ATE1: variants seen among roughly 807,000 people sequenced by gnomAD.
ATE1 encodes the protein arginyl-tRNA--protein transferase 1.
Under a neutral mutation model 70.5 loss-of-function variants are expected in ATE1, and 36 were observed. That is an observed-to-expected ratio of 0.51 (90% CI 0.39 to 0.67). ATE1 has a LOEUF of 0.67. ATE1 is among the 30% of genes least tolerant of loss of function. The pLI, the probability that ATE1 is intolerant of heterozygous loss-of-function variation, is 0.00. For synonymous variants in ATE1, 232 were observed against 219.3 expected, an observed-to-expected ratio of 1.06 and a Z score of -0.51; for missense variants, 593 against 629.5, an observed-to-expected ratio of 0.94 and a Z score of 0.62.
At chr10:121,814,219 T>C (rs576906687) in intron 10 of ATE1, among the ~76,000 whole-genome samples, 1 of 152,192 alleles carries the variant, frequency 6.6e-6, no homozygotes, top group South Asian at 2.1e-4. Context: ...AGAAATGAAC[T>C]GGTGAAAAGA....
Position 121,743,563 on chromosome 10 carries a change from A to G in ATE1, c.*117T>C. On this transcript the variant is annotated 3_prime_UTR_variant, in exon 12 of 12. Coordinates refer to ENST00000224652, the MANE Select transcript of ATE1 (RefSeq NM_001001976.3). Reference sequence around the variant, plus strand: ...TATTTTTTAAAAGCCATAGATAGTCAAAATAAAAAATGTCTAATTTGTGGG... The same window carrying G: ...TATTTTTTAAAAGCCATAGATAGTCGAAATAAAAAATGTCTAATTTGTGGG... The G allele has an allele frequency of 7.2e-7, 1 of 1,382,324 alleles. No individual in the cohort carries two copies. The allele number at this position is 1,382,324 out of a possible 1,614,324, so 85.6% of individuals were successfully genotyped here.
At chr10:121,776,584 G>A (rs1034649061) in intron 11 of ATE1, among the ~76,000 whole-genome samples, 2 of 152,164 alleles carry the variant, frequency 1.3e-5, no homozygotes, top group East Asian at 3.8e-4. Context: ...AATTGTGAGT[G>A]GTCTTGGGCA....
intron 10 of ATE1, among the ~76,000 whole-genome samples, chr10:121,830,023 A>G (rs1027614620): frequency 3.3e-5 from 5 of 152,210 alleles, no homozygotes; most frequent in Admixed American, 6.5e-5. Context: ...TCAATTTGCA[A>G]TGAGGAACAT....
At chr10:121,915,849 C>T (rs1307784978) in intron 3 of ATE1, among the ~76,000 whole-genome samples, 2 of 148,846 alleles carry the variant, frequency 1.3e-5, no homozygotes, top group African/African-American at 5.0e-5. Flanking sequence ...CAAGATCACA[C>T]CACTGCACTC....
chr10:121,835,605 A>T (rs1031027071), intron 10 of ATE1, among the ~76,000 whole-genome samples: 3 of 152,124 alleles, frequency 2.0e-5, no homozygotes, highest in Non-Finnish European at 4.4e-5. Flanking sequence ...TTATGAGACA[A>T]TAAAGGAAAC....
chr10:121,910,147 T>C (rs1951361970), intron 5 of ATE1, among the ~76,000 whole-genome samples: 1 of 152,196 alleles, frequency 6.6e-6, no homozygotes, highest in Admixed American at 6.5e-5. Flanking sequence ...AACTATTCAA[T>C]AAAATTGCAA....
Position 121,893,096 on chromosome 10 carries a change from T to C in ATE1, c.942+6770A>G, listed in dbSNP as rs142366981. 7.8e-3 allele frequency among the ~76,000 whole-genome samples: 1,190 copies of C among 151,826 alleles called. 17 individuals are homozygous for C. Among genetic ancestry groups the C allele is most frequent in the African/African-American group, 0.028 (1,150 of 41,406 alleles). The stretch of plus-strand genomic sequence containing the variant: ...ATCGAGACCATCCTGGCTAACATAG[T>C]GAAACCCCATCTCTACTAAAAATAC... On this transcript the variant is annotated intron_variant, in intron 7 of 11. Coordinates refer to ENST00000224652, the MANE Select transcript of ATE1 (RefSeq NM_001001976.3).
At chr10:121,856,782 G>C (rs1949265156) in intron 8 of ATE1, among the ~76,000 whole-genome samples, 1 of 152,142 alleles carries the variant, frequency 6.6e-6, no homozygotes, top group Non-Finnish European at 1.5e-5. Context: ...TTCAACATAG[G>C]ATTGCCACAA....
chr10:121,760,471 T>G lies in ATE1; in HGVS notation c.1379-16613A>C, dbSNP rs11200135. Among the ~76,000 whole-genome samples the G allele has an allele frequency of 6.0e-3, 918 of 152,290 alleles. 17 individuals carry two copies. The highest frequency in any genetic ancestry group is 0.041 in the East Asian group (214 of 5,180). ...AACCTCATGGATGATTTGGAGGGGT[T>G]TGAGAATTCAGTGGAGGAAGTTACT... On this transcript the variant is annotated intron_variant, in intron 11 of 11. Coordinates refer to ENST00000224652, the MANE Select transcript of ATE1 (RefSeq NM_001001976.3).
chr10:121,762,573 A>T (rs1945093182), intron 11 of ATE1, among the ~76,000 whole-genome samples: 1 of 151,988 alleles, frequency 6.6e-6, no homozygotes, highest in South Asian at 2.1e-4. Flanking sequence ...TTCCTGCCAC[A>T]TCCCAAAGAT....
At chr10:121,878,455 T>C (rs1162632659) in intron 7 of ATE1, among the ~76,000 whole-genome samples, 1 of 151,870 alleles carries the variant, frequency 6.6e-6, no homozygotes, top group Non-Finnish European at 1.5e-5. Flanking sequence ...TAGCCGGCCA[T>C]GGTGGTGCAC....
chr10:121,927,935 C>G lies in ATE1; in HGVS notation c.15G>C (p.Ala5=), dbSNP rs771325566. 5.1e-6 allele frequency: 8 copies of G among 1,571,466 alleles called. No homozygotes were observed. Among genetic ancestry groups the G allele is most frequent in the Non-Finnish European group, 6.0e-6 (7 of 1,161,888 alleles). The change falls in exon 1 of 12, where the codon GCG becomes GCC. Residue 5 remains alanine (A), a synonymous_variant. Coordinates refer to ENST00000224652, the MANE Select transcript of ATE1 (RefSeq NM_001001976.3). Reference sequence around the variant, plus strand: ...AGTCCACGACGCTGGGCGAACCCCCCGCCCAGAAAGCCATGGCCTCGGCCC... The same window carrying G: ...AGTCCACGACGCTGGGCGAACCCCCGGCCCAGAAAGCCATGGCCTCGGCCC... MAFW[A]GGSPSVVDYF...
chr10:121,906,582 CAA>C (rs113241921), intron 5 of ATE1, among the ~76,000 whole-genome samples: 27 of 145,972 alleles, frequency 1.8e-4, no homozygotes, highest in Non-Finnish European at 2.1e-4. Context: ...TTGCAGGTTC[CAA>C]AAAAAAAAAA....
intron 10 of ATE1, among the ~76,000 whole-genome samples, chr10:121,829,771 A>G (rs1948166681): frequency 6.6e-6 from 1 of 152,200 alleles, no homozygotes; most frequent in South Asian, 2.1e-4. Flanking sequence ...AATTCCTTTT[A>G]TTCTTTAATA....
At chr10:121,890,010 G>A (rs1283638528) in intron 7 of ATE1, among the ~76,000 whole-genome samples, 1 of 152,182 alleles carries the variant, frequency 6.6e-6, no homozygotes, top group Non-Finnish European at 1.5e-5. Flanking sequence ...TGGTTCAAGA[G>A]AGAAAGATAA....
chr10:121,875,056 G>T, intron 7 of ATE1, among the ~76,000 whole-genome samples: 1 of 147,162 alleles, frequency 6.8e-6, no homozygotes, highest in Non-Finnish European at 1.5e-5. Flanking sequence ...GGAGAATGGC[G>T]TGAACCCAGG....
chr10:121,820,368 A>G (rs1947745743), intron 10 of ATE1, among the ~76,000 whole-genome samples: 1 of 152,368 alleles, frequency 6.6e-6, no homozygotes, highest in Admixed American at 6.5e-5. Flanking sequence ...GAAAAATTGT[A>G]AATTTCTGCA....
rs1304282241 is a variant in ATE1 at position 121,826,232 on chromosome 10, T to G, written c.1257+10486A>C. Among the ~76,000 whole-genome samples, 4 of 127,942 alleles carry G rather than the reference T, an allele frequency of 3.1e-5. No individual in the cohort carries two copies. In the South Asian group the frequency reaches 1.2e-3, roughly 37 times the overall value. 83.9% of individuals were successfully genotyped at this position (127,942 alleles called of 152,430 possible). On this transcript the variant is annotated intron_variant, in intron 10 of 11. Transcript: ENST00000224652. ...TGGTGCACAGCAATGTGAATGTACTTAATATCACCAAACTGAGCACTTAAA... is the reference window on the plus strand; with the variant it reads ...TGGTGCACAGCAATGTGAATGTACTGAATATCACCAAACTGAGCACTTAAA...
chr10:121,854,524 T>C (rs183834181), intron 8 of ATE1, among the ~76,000 whole-genome samples: 8 of 152,308 alleles, frequency 5.3e-5, no homozygotes. Context: ...ACACAACTTT[T>C]CTTGGCTCCC....
Sources: gnomAD v4.1 joint callset for allele counts (sites outside exome capture counted in the v4.1 genomes callset) on GRCh38, gnomAD v4.1.1 for gene constraint, MANE v1.5 for transcripts, NCBI Gene and HGNC (gene_info 2026-07-23, HGNC 2026-07-21) for gene names.